NBL1: variants seen among roughly 807,000 people sequenced by gnomAD.
NBL1 encodes NBL1, DAN family BMP antagonist.
Under a neutral mutation model 16.0 loss-of-function variants are expected in NBL1, and 9 were observed. That is an observed-to-expected ratio of 0.56 (90% CI 0.34 to 0.98). NBL1 has a LOEUF of 0.98. Ranked by LOEUF, NBL1 falls within the 50% of genes least tolerant of loss-of-function variation. NBL1 has a pLI of 0.02. For missense variants in NBL1, 196 were observed against 243.1 expected (o/e 0.81, Z 1.29); for synonymous variants, 86 against 100.7 (o/e 0.85, Z 0.87).
At position 19,657,696 on chromosome 1, in the gene NBL1, G is replaced by A. The variant is rs775617405; in HGVS notation, c.*567G>A. ...GCACTGAAGTGGCCCTCCCTCAGCG[G>A]AGGGGTTTGGGAGTCAGGCCTGGGC... On this transcript the variant is annotated 3_prime_UTR_variant, in exon 4 of 4. Coordinates refer to ENST00000375136, the MANE Select transcript of NBL1 (RefSeq NM_005380.8). 2.0e-5 allele frequency: 3 copies of A among 152,764 alleles called. No homozygotes were observed. The highest frequency in any genetic ancestry group is 2.9e-5 in the Non-Finnish European group (2 of 68,126). The allele number at this position is 152,764 out of a possible 1,614,324, so 9.5% of individuals were successfully genotyped here. A position where few individuals can be genotyped will look rare whatever the true frequency, so the allele number is the denominator to read the frequency against.
chr1:19,654,531 G>A (rs2095045237), intron 1 of NBL1, among the ~76,000 whole-genome samples: 2 of 152,196 alleles, frequency 1.3e-5, no homozygotes, highest in Admixed American at 6.5e-5. Flanking sequence ...CTCCAGGGCT[G>A]TGTGGACAGC....
intron 1 of NBL1, chr1:19,645,944 T>C: frequency 1.3e-6 from 2 of 1,550,436 alleles, no homozygotes; most frequent in Non-Finnish European, 1.7e-6. Flanking sequence ...GAACTTCTGC[T>C]GAGCAGATGT....
intron 1 of NBL1, among the ~76,000 whole-genome samples, chr1:19,649,741 A>G (rs2095011444): frequency 6.6e-6 from 1 of 151,982 alleles, no homozygotes; most frequent in Non-Finnish European, 1.5e-5. Flanking sequence ...GGCTCACTGC[A>G]GCCTCAACCT....
intron 1 of NBL1, among the ~76,000 whole-genome samples, chr1:19,650,744 A>G (rs932627116): frequency 2.0e-5 from 3 of 152,224 alleles, no homozygotes; most frequent in Non-Finnish European, 4.4e-5. Flanking sequence ...GCTTAAAAAA[A>G]AAAAATAGAT....
chr1:19,649,573 G>A (rs911689331), intron 1 of NBL1, among the ~76,000 whole-genome samples: 1 of 152,058 alleles, frequency 6.6e-6, no homozygotes, highest in African/African-American at 2.4e-5. Flanking sequence ...TGGCCAGGCT[G>A]GTCTCGAACT....
In NBL1 at chr1:19,656,599, G is replaced by T. The variant is rs74652341; in HGVS notation, c.283-267G>T. 5.8e-3 allele frequency among the ~76,000 whole-genome samples: 879 copies of T among 152,074 alleles called. 11 individuals are homozygous for T. Among genetic ancestry groups the T allele is most frequent in the Admixed American group, 0.028 (424 of 15,266 alleles). ...CTCCAAGTGCAGGGGGATCGCGGCG[G>T]TGGGGGCGATTTTAGCAGGGGCAGG... On this transcript the variant is annotated intron_variant, in intron 3 of 3. Transcript: ENST00000375136.
upstream of NBL1, chr1:19,643,342 A>C: frequency 1.2e-6 from 2 of 1,614,026 alleles, no homozygotes; most frequent in African/African-American, 1.3e-5. This position sits in a 1 kb window ranked among gnomAD's most constrained non-coding sequence, Gnocchi z 4.7. Flanking sequence ...TCAGACAAGC[A>C]GGGCTGTGTC....
chr1:19,655,525 T>C (rs1180286510), intron 3 of NBL1, 90 bp downstream of exon 3: 2 of 1,434,140 alleles, frequency 1.4e-6, no homozygotes, highest in African/African-American at 1.4e-5. Context: ...TTCCAGCAGA[T>C]GGCCACAGGG....
Position 19,658,034 on chromosome 1 carries a change from T to G in NBL1, c.*905T>G, listed in dbSNP as rs1167592755. 4 of 152,144 alleles carry G rather than the reference T, an allele frequency of 2.6e-5. No homozygotes were observed. In the East Asian group the frequency reaches 5.8e-4, roughly 22 times the overall value. 9.4% of individuals were successfully genotyped at this position (152,144 alleles called of 1,614,324 possible). A position where few individuals can be genotyped will look rare whatever the true frequency, so the allele number is the denominator to read the frequency against. ...TGTAAATATCGGATGGGTGTGGGAG[T>G]GAGGGGTTACCTCCCTCGCCCCAAG... is the stretch of plus-strand genomic sequence containing the variant. On this transcript the variant is annotated 3_prime_UTR_variant, in exon 4 of 4. Transcript: ENST00000375136.
chr1:19,643,283 T>C (rs751284678), upstream of NBL1: 5 of 1,608,408 alleles, frequency 3.1e-6, no homozygotes, highest in Non-Finnish European at 4.3e-6. The surrounding 1 kb of genome is among the most constrained non-coding windows in gnomAD (Gnocchi z 4.7). Context: ...ACCAGGGAGT[T>C]CCCAGCAGGC....
Position 19,656,860 on chromosome 1 carries a change from C to T in NBL1, c.283-6C>T, listed in dbSNP as rs530085436. The T allele has an allele frequency of 1.6e-5, 26 of 1,606,878 alleles. No individual in the cohort carries two copies. Among genetic ancestry groups the T allele is most frequent in the East Asian group, 1.1e-4 (5 of 44,676 alleles). On this transcript the variant is annotated splice_region_variant and splice_polypyrimidine_tract_variant and intron_variant, in intron 3 of 3. Coordinates refer to ENST00000375136, the MANE Select transcript of NBL1 (RefSeq NM_005380.8). ...CATGCCTCTGCTTCTCTCTTGCCCT[C>T]TGCAGGTGACGCTGGAGTGCCCGGG...
intron 3 of NBL1, 58 bp downstream of exon 3, chr1:19,655,493 C>G: frequency 6.3e-7 from 1 of 1,575,790 alleles, no homozygotes; most frequent in Non-Finnish European, 8.7e-7. Context: ...CCAGCCTTGG[C>G]CTTTCTCCCC....
At position 19,657,524 on chromosome 1, in the gene NBL1, G is replaced by A. The variant is rs1029472092; in HGVS notation, c.*395G>A. On this transcript the variant is annotated 3_prime_UTR_variant, in exon 4 of 4. Coordinates refer to ENST00000375136, the MANE Select transcript of NBL1 (RefSeq NM_005380.8). ...GTGCAGATGGTACTGCTGAGGTCCC[G>A]GGCTTAGTGTGAGCATCTTGCCAGC... The A allele has an allele frequency of 1.1e-4, 17 of 155,032 alleles. No homozygotes were observed. The highest frequency in any genetic ancestry group is 2.0e-4 in the Non-Finnish European group (14 of 69,648). 9.6% of individuals were successfully genotyped at this position (155,032 alleles called of 1,614,324 possible). A position where few individuals can be genotyped will look rare whatever the true frequency, so the allele number is the denominator to read the frequency against.
chr1:19,648,176 C>A (rs115748095), intron 1 of NBL1, among the ~76,000 whole-genome samples: 7 of 152,048 alleles, frequency 4.6e-5, no homozygotes, highest in Non-Finnish European at 1.5e-5. Flanking sequence ...AAGGGTTTCA[C>A]GGTGGGCGGG....
intron 1 of NBL1, chr1:19,647,741 A>G: frequency 1.1e-6 from 1 of 892,100 alleles, no homozygotes; most frequent in African/African-American, 1.8e-5. Context: ...TGGAAGCAGG[A>G]GGTGAAGATG....
At chr1:19,647,852 T>G (rs2100400927) in intron 1 of NBL1, among the ~76,000 whole-genome samples, 1 of 136,094 alleles carries the variant, frequency 7.3e-6, no homozygotes, top group African/African-American at 3.2e-5. Context: ...AAAGGCCTGG[T>G]GTGTGTGTGT....
At chr1:19,648,366 G>A (rs983733724) in intron 1 of NBL1, among the ~76,000 whole-genome samples, 3 of 152,306 alleles carry the variant, frequency 2.0e-5, no homozygotes, top group Admixed American at 1.3e-4. Flanking sequence ...GCCTGGCTGG[G>A]CCTCAGAGTC....
chr1:19,657,261 G>C lies in NBL1; in HGVS notation c.*132G>C. The stretch of plus-strand genomic sequence containing the variant: ...CTTGGCTTCAGACTCGGACTTGAAT[G>C]CTGCCCGGTTGCCATGGAGATCTGA... On this transcript the variant is annotated 3_prime_UTR_variant, in exon 4 of 4. Transcript: ENST00000375136. The C allele has an allele frequency of 1.8e-6, 1 of 560,740 alleles. No individual in the cohort carries two copies. The allele number at this position is 560,740 out of a possible 1,614,324, so 34.7% of individuals were successfully genotyped here. A position where few individuals can be genotyped will look rare whatever the true frequency, so the allele number is the denominator to read the frequency against.
chr1:19,654,440 G>A (rs1197529706), intron 1 of NBL1, among the ~76,000 whole-genome samples: 1 of 152,120 alleles, frequency 6.6e-6, no homozygotes, highest in Non-Finnish European at 1.5e-5. Context: ...GCAACGTGAA[G>A]GTTAAGGCTA....
Sources: allele counts gnomAD v4.1 joint callset (sites outside exome capture counted in the v4.1 genomes callset), GRCh38; gene constraint gnomAD v4.1.1; non-coding constraint Gnocchi (gnomAD v3.1); transcripts MANE v1.5; gene names NCBI Gene and HGNC (gene_info 2026-07-23, HGNC 2026-07-21).